DLG2: variants seen among roughly 807,000 people sequenced by gnomAD.
The protein encoded by DLG2 is disks large homolog 2.
A neutral mutation model predicts 132.5 loss-of-function variants in DLG2; 45 were observed. That is an observed-to-expected ratio of 0.34 (90% CI 0.27 to 0.44). The LOEUF (loss-of-function observed/expected upper bound fraction) is 0.44, where lower values mean the gene tolerates loss of function less well. DLG2 is among the 20% of genes least tolerant of loss of function. The probability of loss-of-function intolerance (pLI) is 1.00; values close to 1 mark genes in which losing one functional copy is unlikely to be tolerated. For synonymous variants in DLG2, 424 were observed against 419.6 expected (o/e 1.01, Z -0.13); for missense variants, 1,045 against 1,196.9 (o/e 0.87, Z 1.87).
At chr11:84,956,746 T>A (rs1031241166) in intron 6 of DLG2, among the ~76,000 whole-genome samples, 1 of 152,012 alleles carries the variant, frequency 6.6e-6, no homozygotes, top group Non-Finnish European at 1.5e-5. Flanking sequence ...CTCCAACCAA[T>A]AGATTAAAAA....
chr11:84,927,632 C>T (rs1229654298), intron 6 of DLG2, among the ~76,000 whole-genome samples: 1 of 151,994 alleles, frequency 6.6e-6, no homozygotes, highest in Non-Finnish European at 1.5e-5. Context: ...TAAATATCTA[C>T]TTAAACAGAC....
At chr11:85,412,762 T>TAC (rs2089459232) in intron 3 of DLG2, among the ~76,000 whole-genome samples, 2 of 52,884 alleles carry the variant, frequency 3.8e-5, no homozygotes, top group Admixed American at 2.3e-4. Context: ...CACACACACA[T>TAC]ATATATATAT....
At chr11:84,430,563 C>A (rs1007062240) in intron 7 of DLG2, among the ~76,000 whole-genome samples, 2 of 151,810 alleles carry the variant, frequency 1.3e-5, no homozygotes, top group Non-Finnish European at 1.5e-5. Context: ...CTCGAGTAAA[C>A]TGCTTAATAG....
intron 4 of DLG2, among the ~76,000 whole-genome samples, chr11:85,184,453 A>G (rs1329626136): frequency 1.3e-5 from 2 of 151,552 alleles, no homozygotes; most frequent in Non-Finnish European, 2.9e-5. Context: ...GAAACAAGGT[A>G]GTTAATAAGC....
At chr11:85,596,598 C>G (rs1185346250) in intron 3 of DLG2, among the ~76,000 whole-genome samples, 1 of 151,930 alleles carries the variant, frequency 6.6e-6, no homozygotes, top group Non-Finnish European at 1.5e-5. Context: ...TATGTATTGG[C>G]CAGAATAATG....
At chr11:84,420,765 T>C (rs933423977) in intron 7 of DLG2, among the ~76,000 whole-genome samples, 46 of 137,886 alleles carry the variant, frequency 3.3e-4, no homozygotes, top group Admixed American at 1.0e-3. Context: ...GCCTCCCGGG[T>C]TCACGCCATT....
chr11:84,642,052 ATATATACGCAC>A (rs1488324034), intron 6 of DLG2, among the ~76,000 whole-genome samples: 8 of 141,014 alleles, frequency 5.7e-5, no homozygotes, highest in African/African-American at 2.1e-4. Context: ...GTATATATGT[ATATATACGCAC>A]GCGTGTGTGT....
At chr11:83,563,058 T>C (rs2096641972) in intron 19 of DLG2, among the ~76,000 whole-genome samples, 2 of 142,502 alleles carry the variant, frequency 1.4e-5, no homozygotes, top group Admixed American at 1.5e-4. Flanking sequence ...CACTGCAAGC[T>C]CCACCTCCTG....
intron 6 of DLG2, among the ~76,000 whole-genome samples, chr11:84,606,701 C>T (rs372080540): frequency 3.9e-5 from 6 of 151,904 alleles, no homozygotes; most frequent in African/African-American, 7.3e-5. Flanking sequence ...CAAGTGCACT[C>T]GCATTATGAA....
chr11:84,807,573 G>A (rs2076140010), intron 6 of DLG2, among the ~76,000 whole-genome samples: 2 of 151,966 alleles, frequency 1.3e-5, no homozygotes, highest in South Asian at 2.1e-4. Flanking sequence ...TATCAGAATG[G>A]GTTAAAAAAA....
intron 7 of DLG2, among the ~76,000 whole-genome samples, chr11:84,340,411 A>G (rs1170250455): frequency 1.3e-5 from 2 of 152,212 alleles, no homozygotes; most frequent in Non-Finnish European, 2.9e-5. Context: ...AGTAGCAATC[A>G]TTGTGCTGGT....
intron 7 of DLG2, among the ~76,000 whole-genome samples, chr11:84,445,308 T>C (rs2099030242): frequency 6.6e-6 from 1 of 152,206 alleles, no homozygotes; most frequent in Non-Finnish European, 1.5e-5. Flanking sequence ...TTTAATAGTC[T>C]TTCTGCAAAA....
At chr11:84,645,006 G>A (rs939896214) in intron 6 of DLG2, among the ~76,000 whole-genome samples, 2 of 152,116 alleles carry the variant, frequency 1.3e-5, no homozygotes, top group Admixed American at 6.5e-5. Context: ...CTGTACCCCT[G>A]CAGAGTTGCA....
At chr11:84,375,944 T>C (rs1275927667) in intron 7 of DLG2, among the ~76,000 whole-genome samples, 1 of 152,038 alleles carries the variant, frequency 6.6e-6, no homozygotes, top group African/African-American at 2.4e-5. Context: ...ATTATTTTCA[T>C]AATTTCCATT....
At chr11:85,242,532 G>T (rs1419393424) in intron 4 of DLG2, among the ~76,000 whole-genome samples, 1 of 151,258 alleles carries the variant, frequency 6.6e-6, no homozygotes, top group Non-Finnish European at 1.5e-5. Flanking sequence ...CTCAGGTGTT[G>T]GTACCTCAAT....
At chr11:85,567,765 G>A (rs2077608686) in intron 3 of DLG2, among the ~76,000 whole-genome samples, 1 of 151,990 alleles carries the variant, frequency 6.6e-6, no homozygotes, top group South Asian at 2.1e-4. Context: ...TGGGTTTTTT[G>A]CAGATTCCCT....
chr11:84,908,058 T>C (rs1410044460), intron 6 of DLG2, among the ~76,000 whole-genome samples: 2 of 151,920 alleles, frequency 1.3e-5, no homozygotes, highest in African/African-American at 2.4e-5. Flanking sequence ...TTTCAGAATA[T>C]CAATGTCAAG....
rs149700050 is a variant in DLG2, at chr11:83,854,240, T to C, written c.1565+20180A>G. 4.1e-3 allele frequency among the ~76,000 whole-genome samples: 630 copies of C among 152,140 alleles called. 5 individuals carry two copies. The highest frequency in any genetic ancestry group is 0.014 in the African/African-American group (581 of 41,502). ...GCAAGAAATCAAAGAACTAAATAAA[T>C]GGAGAGATAGTCCATGTAAATGGAG... On this transcript the variant is annotated intron_variant, in intron 16 of 27. Transcript: ENST00000376104.
At chr11:84,915,797 G>C (rs1480803670) in intron 6 of DLG2, among the ~76,000 whole-genome samples, 5 of 151,880 alleles carry the variant, frequency 3.3e-5, no homozygotes, top group Non-Finnish European at 7.4e-5. Flanking sequence ...CCAGCTTTCT[G>C]AACGGCTAAC....
Sources: gnomAD v4.1 joint callset for allele counts (sites outside exome capture counted in the v4.1 genomes callset) on GRCh38, gnomAD v4.1.1 for gene constraint, MANE v1.5 for transcripts, NCBI Gene and HGNC (gene_info 2026-07-23, HGNC 2026-07-21) for gene names.